FGF12: variants seen among roughly 807,000 people sequenced by gnomAD.
FGF12 encodes the protein fibroblast growth factor 12B.
FGF12 carries 14 observed loss-of-function variants against 23.6 expected under a neutral mutation model. The ratio of observed to expected loss-of-function variants is 0.59; its 90% CI spans 0.39 to 0.93. FGF12 has a LOEUF of 0.93. FGF12 is among the 40% of genes least tolerant of loss of function. The pLI, the probability that FGF12 is intolerant of heterozygous loss-of-function variation, is 0.00. For synonymous variants in FGF12, 62 were observed against 77.3 expected (o/e 0.80, Z 1.04); for missense variants, 175 against 217.8 (o/e 0.80, Z 1.24).
At chr3:192,695,205 A>G (rs938487144) in intron 2 of FGF12, among the ~76,000 whole-genome samples, 1 of 152,216 alleles carries the variant, frequency 6.6e-6, no homozygotes, top group African/African-American at 2.4e-5. Context: ...CATATTCAAC[A>G]CATTATTTGC....
chr3:192,710,174 T>C (rs1301570923), intron 2 of FGF12, among the ~76,000 whole-genome samples: 5 of 152,236 alleles, frequency 3.3e-5, no homozygotes, highest in African/African-American at 1.2e-4. Context: ...GCCAGGGCAC[T>C]GCTGAGAACT....
At chr3:192,375,138 C>T (rs1719424037) in intron 2 of FGF12, among the ~76,000 whole-genome samples, 1 of 152,136 alleles carries the variant, frequency 6.6e-6, no homozygotes, top group African/African-American at 2.4e-5. Flanking sequence ...TCTCATTCAA[C>T]ATTGTATTAA....
chr3:192,194,775 T>C (rs1430768246), intron 4 of FGF12, among the ~76,000 whole-genome samples: 1 of 152,118 alleles, frequency 6.6e-6, no homozygotes, highest in Non-Finnish European at 1.5e-5. Context: ...ACTTTTTAAA[T>C]GTACGCTTTT....
intron 2 of FGF12, chr3:192,672,864 T>C (rs1013086973): frequency 6.6e-6 from 1 of 150,950 alleles, no homozygotes; most frequent in Non-Finnish European, 1.5e-5. Context: ...TTTCAGTGGA[T>C]ATTTTATGAG....
chr3:192,209,005 T>C (rs1209915646), intron 4 of FGF12, among the ~76,000 whole-genome samples: 1 of 152,254 alleles, frequency 6.6e-6, no homozygotes, highest in African/African-American at 2.4e-5. Context: ...TCTAATGTGT[T>C]TGATAACAAC....
In FGF12 at chr3:192,556,443, T is replaced by C. The variant is rs138389795; in HGVS notation, c.13+170738A>G. On this transcript the variant is annotated intron_variant, in intron 2 of 5. Transcript: ENST00000445105. ...GACAAAGAAGGACATTATATAATGA[T>C]TAAAATGTCAATTTACCAGGAAGAG... is the stretch of plus-strand genomic sequence containing the variant. Among the ~76,000 whole-genome samples the C allele has an allele frequency of 2.8e-3, 423 of 152,234 alleles. 2 individuals carry two copies. Among genetic ancestry groups the C allele is most frequent in the Non-Finnish European group, 4.2e-3 (286 of 67,994 alleles).
intron 2 of FGF12, among the ~76,000 whole-genome samples, chr3:192,613,824 T>C (rs935282537): frequency 1.1e-4 from 16 of 151,902 alleles, no homozygotes; most frequent in African/African-American, 3.9e-4. Context: ...GGCTCAAAAA[T>C]GCAAACTTTT....
chr3:192,651,848 G>A (rs149838335), intron 2 of FGF12, among the ~76,000 whole-genome samples: 3 of 152,280 alleles, frequency 2.0e-5, no homozygotes, highest in African/African-American at 7.2e-5. Context: ...AGTGTACTGC[G>A]TGAGGTCCAG....
At chr3:192,192,231 G>C (rs1314494026) in intron 4 of FGF12, among the ~76,000 whole-genome samples, 1 of 151,960 alleles carries the variant, frequency 6.6e-6, no homozygotes, top group Admixed American at 6.6e-5. Context: ...TTTCTTACAA[G>C]TTGATCAAAA....
At chr3:192,485,001 T>A (rs1335133201) in intron 2 of FGF12, among the ~76,000 whole-genome samples, 9 of 151,134 alleles carry the variant, frequency 6.0e-5, no homozygotes, top group Middle Eastern at 3.4e-3. Context: ...TACACATAAA[T>A]TTTAAAATTT....
intron 5 of FGF12, among the ~76,000 whole-genome samples, chr3:192,165,119 A>T (rs1230960459): frequency 6.6e-6 from 1 of 151,868 alleles, no homozygotes. Flanking sequence ...ACACCTGGCT[A>T]ATTTTCATAT....
At chr3:192,587,294 G>T (rs2108618918) in intron 2 of FGF12, among the ~76,000 whole-genome samples, 1 of 152,030 alleles carries the variant, frequency 6.6e-6, no homozygotes. Flanking sequence ...TGAATGCCTT[G>T]TGATCAAGCA....
chr3:192,431,111 G>A (rs948249561), intron 2 of FGF12, among the ~76,000 whole-genome samples: 1 of 152,112 alleles, frequency 6.6e-6, no homozygotes, highest in African/African-American at 2.4e-5. Flanking sequence ...GTTATCTTGA[G>A]AACTCCAACA....
At chr3:192,264,032 A>G (rs2108620327) in intron 4 of FGF12, among the ~76,000 whole-genome samples, 1 of 152,228 alleles carries the variant, frequency 6.6e-6, no homozygotes, top group East Asian at 1.9e-4. Flanking sequence ...AATGTGTCAT[A>G]TTTCATCTTT....
At position 192,360,679 on chromosome 3, in the gene FGF12, C is replaced by A; in HGVS notation, c.14-141G>T. 3 of 632,612 alleles carry A rather than the reference C, an allele frequency of 4.7e-6. No homozygotes were observed. The highest frequency in any genetic ancestry group is 2.6e-4 in the Middle Eastern group (1 of 3,912). The allele number at this position is 632,612 out of a possible 1,614,324, so 39.2% of individuals were successfully genotyped here. A position where few individuals can be genotyped will look rare whatever the true frequency, so the allele number is the denominator to read the frequency against. The stretch of plus-strand genomic sequence containing the variant: ...TTATGTATTTGGGAGTTGGGTGTTT[C>A]AGTAACATATCTATGCTTTTTTTTT... On this transcript the variant is annotated intron_variant, in intron 2 of 5. Transcript: ENST00000445105. This position sits in a 1 kb window ranked among gnomAD's most constrained non-coding sequence, Gnocchi z 4.3.
intron 4 of FGF12, among the ~76,000 whole-genome samples, chr3:192,309,590 G>T (rs1194479377): frequency 6.6e-6 from 1 of 152,124 alleles, no homozygotes; most frequent in Non-Finnish European, 1.5e-5. Flanking sequence ...AATAAAGAAA[G>T]GCAGACTACT....
chr3:192,623,142 A>G (rs1239087305), intron 2 of FGF12, among the ~76,000 whole-genome samples: 1 of 152,308 alleles, frequency 6.6e-6, no homozygotes, highest in East Asian at 1.9e-4. Flanking sequence ...TAGAAATAAC[A>G]TGGTCTTTGT....
intron 2 of FGF12, among the ~76,000 whole-genome samples, chr3:192,522,813 A>G (rs1289386585): frequency 6.6e-6 from 1 of 152,218 alleles, no homozygotes; most frequent in Non-Finnish European, 1.5e-5. Context: ...CAACCATATA[A>G]AAGAATAAAT....
intron 2 of FGF12, among the ~76,000 whole-genome samples, chr3:192,594,618 T>C (rs2701596): frequency 0.49 from 74,342 of 151,304 alleles, 19,105 homozygotes; most frequent in African/African-American, 0.59. Context: ...ATAATTAGGA[T>C]CAGATAAGGT....
Sources: allele counts gnomAD v4.1 joint callset (sites outside exome capture counted in the v4.1 genomes callset), GRCh38; gene constraint gnomAD v4.1.1; non-coding constraint Gnocchi (gnomAD v3.1); transcripts MANE v1.5; gene names NCBI Gene and HGNC (gene_info 2026-07-23, HGNC 2026-07-21).